The following RANBP2 variants were observed in gnomAD, a reference collection of about 807,000 sequenced individuals.
RANBP2 encodes the protein RAN binding protein 2, also known as E3 SUMO-protein ligase RanBP2.
Under a neutral mutation model 303.6 loss-of-function variants are expected in RANBP2, and 57 were observed. That is an observed-to-expected ratio of 0.19 (90% CI 0.15 to 0.23). The LOEUF (loss-of-function observed/expected upper bound fraction) is 0.23, where lower values mean the gene tolerates loss of function less well. Among genes scored for constraint, RANBP2 ranks in the 10% least tolerant of loss-of-function variants. The pLI, the probability that RANBP2 is intolerant of heterozygous loss-of-function variation, is 1.00. For synonymous variants in RANBP2, 1,167 were observed against 1,301.5 expected (o/e 0.90, Z 2.23); for missense variants, 3,138 against 3,780.8 (o/e 0.83, Z 4.46).
the RANBP2 span, among the ~76,000 whole-genome samples, chr2:108,988,052 G>A: frequency 2.6e-4 from 40 of 152,222 alleles, no homozygotes; most frequent in African/African-American, 8.0e-4. Flanking sequence ...TGGGGACTGG[G>A]GAAGAGGACG....
the RANBP2 span, among the ~76,000 whole-genome samples, chr2:109,589,233 C>A: frequency 2.6e-5 from 4 of 152,234 alleles, no homozygotes; most frequent in South Asian, 8.3e-4. Flanking sequence ...ACCTCCACCT[C>A]CCAGGTTCAA....
the RANBP2 span, among the ~76,000 whole-genome samples, chr2:109,742,197 G>A: frequency 8.4e-5 from 7 of 83,266 alleles, 1 homozygote; most frequent in Admixed American, 1.0e-3. Context: ...CGGGATGGGC[G>A]GATCACCTGA....
At chr2:109,083,883 A>G in the RANBP2 span, among the ~76,000 whole-genome samples, 5 of 151,934 alleles carry the variant, frequency 3.3e-5, no homozygotes, top group Non-Finnish European at 7.4e-5. Context: ...TCCTATCTGC[A>G]TACTCTCCCC....
At chr2:108,864,086 A>T in the RANBP2 span, among the ~76,000 whole-genome samples, 1 of 152,184 alleles carries the variant, frequency 6.6e-6, no homozygotes, top group Non-Finnish European at 1.5e-5. Flanking sequence ...AGTGTGTAAC[A>T]CTAGTGAGCC....
At chr2:109,261,253 A>G in the RANBP2 span, among the ~76,000 whole-genome samples, 3 of 152,168 alleles carry the variant, frequency 2.0e-5, no homozygotes, top group Admixed American at 6.5e-5. Flanking sequence ...CTTCCTGTCA[A>G]GCAGAACAAA....
the RANBP2 span, among the ~76,000 whole-genome samples, chr2:108,939,004 T>C: frequency 3.2e-4 from 48 of 152,200 alleles, no homozygotes; most frequent in African/African-American, 1.2e-3. Flanking sequence ...GGTCTCGAAC[T>C]CCTGACCTCA....
chr2:109,713,877 C>G, the RANBP2 span, among the ~76,000 whole-genome samples: 1 of 152,212 alleles, frequency 6.6e-6, no homozygotes, highest in Non-Finnish European at 1.5e-5. Flanking sequence ...CACAATACTT[C>G]CAACACCACA....
chr2:109,719,316 T>C, the RANBP2 span, among the ~76,000 whole-genome samples: 4 of 151,162 alleles, frequency 2.6e-5, no homozygotes, highest in Non-Finnish European at 4.4e-5. Flanking sequence ...ATCAGGCTGG[T>C]CTCAAACTCC....
At chr2:108,911,037 T>C in the RANBP2 span, 2 of 1,614,152 alleles carry the variant, frequency 1.2e-6, no homozygotes, top group Non-Finnish European at 1.7e-6. Context: ...ATTGCAATGA[T>C]CAGGGCAGTG....
the RANBP2 span, among the ~76,000 whole-genome samples, chr2:109,226,432 C>T: frequency 1.3e-5 from 2 of 152,168 alleles, no homozygotes; most frequent in Non-Finnish European, 2.9e-5. Context: ...TAATGACACA[C>T]GTGGCCCATG....
chr2:109,079,840 C>T, the RANBP2 span, among the ~76,000 whole-genome samples: 1 of 152,218 alleles, frequency 6.6e-6, no homozygotes, highest in Non-Finnish European at 1.5e-5. Flanking sequence ...CAGGTGGGAA[C>T]TCCAGGCAGA....
chr2:109,230,347 T>TG, the RANBP2 span, among the ~76,000 whole-genome samples: 1 of 151,898 alleles, frequency 6.6e-6, no homozygotes, highest in African/African-American at 2.4e-5. Flanking sequence ...GAGGCCAAGG[T>TG]GGGGGGCTCT....
At chr2:109,016,519 C>T in the RANBP2 span, among the ~76,000 whole-genome samples, 7 of 152,284 alleles carry the variant, frequency 4.6e-5, 1 homozygote, top group Admixed American at 3.3e-4. Context: ...TTTGGCCAGT[C>T]GTGTGTGTTT....
the RANBP2 span, among the ~76,000 whole-genome samples, chr2:109,038,216 G>A: frequency 3.3e-5 from 5 of 152,336 alleles, no homozygotes; most frequent in East Asian, 9.6e-4. Flanking sequence ...CAGTTCTGGA[G>A]AAATTGGACA....
the RANBP2 span, among the ~76,000 whole-genome samples, chr2:108,853,024 C>T: frequency 6.6e-6 from 1 of 151,970 alleles, no homozygotes. Flanking sequence ...ACAAACATCA[C>T]CAAAATACAT....
chr2:109,470,092 T>TC, the RANBP2 span, among the ~76,000 whole-genome samples: 1 of 152,216 alleles, frequency 6.6e-6, no homozygotes, highest in Admixed American at 6.5e-5. Context: ...AGAGCTGTCT[T>TC]CTGGCTAATG....
chr2:108,928,237 G>A, the RANBP2 span, among the ~76,000 whole-genome samples: 7 of 152,126 alleles, frequency 4.6e-5, no homozygotes, highest in East Asian at 1.9e-4. Context: ...GAACTCTGGC[G>A]TCGGCATCTC....
Position 108,764,204 on chromosome 2 carries a change from T to A in RANBP2, c.3665T>A (p.Leu1222Gln). Residue 1222 changes from leucine (L) to glutamine (Q), a missense_variant, in exon 20 of 29, where the codon CTG becomes CAG. Transcript: ENST00000283195. ...CGTGGGATTGGCAATGTAAAAATACTGAGGCATAAAACATCTGGTAAAATT... is the reference window on the plus strand; with the variant it reads ...CGTGGGATTGGCAATGTAAAAATACAGAGGCATAAAACATCTGGTAAAATT... ...KERGIGNVKI[L>Q]RHKTSGKIRL... 1 of 1,614,108 alleles carries A rather than the reference T, an allele frequency of 6.2e-7. No individual in the cohort carries two copies. The highest frequency in any genetic ancestry group is 1.1e-5 in the South Asian group (1 of 91,090).
At chr2:109,296,234 T>TATTATTATTATTATTATC in the RANBP2 span, among the ~76,000 whole-genome samples, 1 of 151,878 alleles carries the variant, frequency 6.6e-6, no homozygotes, top group African/African-American at 2.4e-5. Context: ...GTATTATTAT[T>TATTATTATTATTATTATC]ATTATTATTC....
Sources: gnomAD v4.1 joint callset for allele counts (sites outside exome capture counted in the v4.1 genomes callset) on GRCh38, gnomAD v4.1.1 for gene constraint, MANE v1.5 for transcripts, NCBI Gene and HGNC (gene_info 2026-07-23, HGNC 2026-07-21) for gene names.